CDC42BPB: variants seen among roughly 807,000 people sequenced by gnomAD.
CDC42BPB encodes CDC42 binding protein kinase beta, also known as serine/threonine-protein kinase MRCK beta.
A neutral mutation model predicts 214.9 loss-of-function variants in CDC42BPB; 37 were observed. The observed-to-expected ratio is 0.17, with a 90% CI of 0.13 to 0.23. The LOEUF (loss-of-function observed/expected upper bound fraction) is 0.23, where lower values mean the gene tolerates loss of function less well. CDC42BPB is among the 10% of genes least tolerant of loss of function. The pLI is 1.00. For synonymous variants in CDC42BPB, 931 were observed against 884.0 expected, an observed-to-expected ratio of 1.05 and a Z score of -0.94; for missense variants, 1,694 against 2,227.0, an observed-to-expected ratio of 0.76 and a Z score of 4.82.
chr14:102,963,619 C>G (rs1349973156), intron 19 of CDC42BPB, among the ~76,000 whole-genome samples: 1 of 152,228 alleles, frequency 6.6e-6, no homozygotes, highest in East Asian at 1.9e-4. Context: ...ACGGGGAACA[C>G]CTGGCCGGGA....
chr14:103,026,116 G>A (rs560441073), intron 1 of CDC42BPB, among the ~76,000 whole-genome samples: 2 of 151,958 alleles, frequency 1.3e-5, no homozygotes, highest in East Asian at 1.9e-4. Context: ...CTTAAAACAC[G>A]GCTGGGCGTG....
chr14:103,021,421 G>A (rs559414482), intron 1 of CDC42BPB, among the ~76,000 whole-genome samples: 2 of 151,844 alleles, frequency 1.3e-5, no homozygotes, highest in African/African-American at 4.8e-5. Context: ...AGCTGAGATC[G>A]CGCCACTGCA....
chr14:102,943,598 A>G lies in CDC42BPB; in HGVS notation c.4408+293T>C, dbSNP rs1230471042. Reference sequence around the variant, plus strand: ...GCCACGCCCCGTTCTCGGTTCGCCGAGCCCTTCTGCCCAGGGGCCTATGCC... The same window carrying G: ...GCCACGCCCCGTTCTCGGTTCGCCGGGCCCTTCTGCCCAGGGGCCTATGCC... On this transcript the variant is annotated intron_variant, in intron 30 of 36. Transcript: ENST00000361246. The surrounding 1 kb of genome is among the most constrained non-coding windows in gnomAD (Gnocchi z 4.6). 6.6e-6 allele frequency among the ~76,000 whole-genome samples: 1 copy of G among 150,568 alleles called. No individual in the cohort carries two copies. Among genetic ancestry groups the G allele is most frequent in the South Asian group, 2.1e-4 (1 of 4,676 alleles).
At chr14:102,989,969 G>A (rs1270550218) in intron 5 of CDC42BPB, among the ~76,000 whole-genome samples, 1 of 152,152 alleles carries the variant, frequency 6.6e-6, no homozygotes, top group African/African-American at 2.4e-5. Context: ...CTTAACAAAG[G>A]ATAAACAAGA....
At chr14:102,989,839 A>G (rs1055412827) in intron 5 of CDC42BPB, among the ~76,000 whole-genome samples, 2 of 152,056 alleles carry the variant, frequency 1.3e-5, no homozygotes, top group Non-Finnish European at 2.9e-5. Flanking sequence ...AGCCTGGGCA[A>G]CAAAAGCGAA....
chr14:103,038,658 C>G (rs1416364036), intron 1 of CDC42BPB, among the ~76,000 whole-genome samples: 1 of 140,298 alleles, frequency 7.1e-6, no homozygotes, highest in African/African-American at 2.7e-5. Flanking sequence ...TCCCGAGTAG[C>G]TGAGACTACA....
chr14:102,975,497 T>A (rs1893696694), intron 11 of CDC42BPB, among the ~76,000 whole-genome samples, 187 bp downstream of exon 11: 1 of 152,188 alleles, frequency 6.6e-6, no homozygotes, highest in South Asian at 2.1e-4. Flanking sequence ...CACTCCAGCC[T>A]GGGTGACAAA....
intron 1 of CDC42BPB, among the ~76,000 whole-genome samples, chr14:103,049,812 T>G (rs1414114316): frequency 6.6e-6 from 1 of 152,146 alleles, no homozygotes; most frequent in Non-Finnish European, 1.5e-5. Flanking sequence ...CTCCCGGGTT[T>G]AAGTGATTCT....
At chr14:102,954,754 A>G (rs536463471) in intron 21 of CDC42BPB, 66 bp from the exon 22 acceptor site, 3 of 1,547,810 alleles carry the variant, frequency 1.9e-6, no homozygotes, top group African/African-American at 1.4e-5. Context: ...GACTCTACTT[A>G]CAAGTTCTTT....
intron 5 of CDC42BPB, among the ~76,000 whole-genome samples, chr14:102,991,879 G>T (rs948548898): frequency 1.3e-5 from 2 of 152,208 alleles, no homozygotes; most frequent in Non-Finnish European, 2.9e-5. Context: ...AACAGGCAAA[G>T]CTGATTTATG....
intron 16 of CDC42BPB, among the ~76,000 whole-genome samples, chr14:102,967,698 GGTAGA>G (rs36027797): frequency 0.066 from 10,026 of 152,288 alleles, 390 homozygotes; most frequent in Middle Eastern, 0.13. Context: ...ACACAGAAGA[GGTAGA>G]GTAAAGTACA....
Position 102,995,244 on chromosome 14 carries a change from G to A in CDC42BPB, c.596+4321C>T, listed in dbSNP as rs536677646. On this transcript the variant is annotated intron_variant, in intron 5 of 36. Coordinates refer to ENST00000361246, the MANE Select transcript of CDC42BPB (RefSeq NM_006035.4). ...GGCTGGAGTGCAATGGCGCGATCTC[G>A]GCTCACTGCAACCTCCACTTCACGG... is the stretch of plus-strand genomic sequence containing the variant. Among the ~76,000 whole-genome samples the A allele has an allele frequency of 6.0e-5, 9 of 151,142 alleles. No individual in the cohort carries two copies. The East Asian group carries it at 9.8e-4, about 16-fold the overall frequency.
Position 102,967,188 on chromosome 14 carries a change from C to T in CDC42BPB, c.2347-18G>A. 2 of 1,601,120 alleles carry T rather than the reference C, an allele frequency of 1.2e-6. No individual in the cohort carries two copies. Among genetic ancestry groups the T allele is most frequent in the East Asian group, 2.2e-5 (1 of 44,494 alleles). On this transcript the variant is annotated intron_variant, in intron 16 of 36. Transcript: ENST00000361246. ...GAACAGAGCTGAAATGAAACAATTT[C>T]ACCACAGAACTTGTTAATCGGGCAT...
In CDC42BPB at chr14:103,050,615, G is replaced by GGT. The variant is rs1888545314; in HGVS notation, c.175+6382_175+6383dup. ...TCCACAAAAAATAAAAAATTAGCCA[G>GGT]GTGTAGCGGTGTATGCCTATTGTCC... On this transcript the variant is annotated intron_variant, in intron 1 of 36. Transcript: ENST00000361246. Among the ~76,000 whole-genome samples, 6 of 143,056 alleles carry GGT rather than the reference G, an allele frequency of 4.2e-5. No homozygotes were observed. The South Asian group carries it at 1.4e-3, about 33-fold the overall frequency. 93.9% of individuals were successfully genotyped at this position (143,056 alleles called of 152,430 possible). A position where few individuals can be genotyped will look rare whatever the true frequency, so the allele number is the denominator to read the frequency against.
At chr14:103,053,487 C>T (rs763885613) in intron 1 of CDC42BPB, among the ~76,000 whole-genome samples, 9 of 152,048 alleles carry the variant, frequency 5.9e-5, no homozygotes, top group Non-Finnish European at 8.8e-5. Flanking sequence ...CTCGGCCAGG[C>T]ACGGTGGCTC....
chr14:103,039,826 T>G (rs1286799548), intron 1 of CDC42BPB, among the ~76,000 whole-genome samples: 1 of 152,184 alleles, frequency 6.6e-6, no homozygotes, highest in African/African-American at 2.4e-5. Flanking sequence ...GAAGCAGAAC[T>G]ATCTGTACTC....
intron 1 of CDC42BPB, among the ~76,000 whole-genome samples, chr14:103,017,711 T>C (rs975460582): frequency 3.9e-5 from 6 of 151,920 alleles, no homozygotes; most frequent in South Asian, 2.1e-4. Flanking sequence ...GTCGAGGTCA[T>C]GAAAGTCAAG....
chr14:102,961,803 G>A (rs1566860416), intron 20 of CDC42BPB, among the ~76,000 whole-genome samples: 2 of 152,104 alleles, frequency 1.3e-5, no homozygotes, highest in Non-Finnish European at 1.5e-5. Context: ...TCAGCCTCCC[G>A]AAGTGTTGGG....
At chr14:103,041,464 C>G (rs978751731) in intron 1 of CDC42BPB, 4 of 1,167,950 alleles carry the variant, frequency 3.4e-6, no homozygotes, top group Non-Finnish European at 3.7e-6. Flanking sequence ...GGGCTCTAGG[C>G]AGCCATGGCG....
Sources: allele counts gnomAD v4.1 joint callset (sites outside exome capture counted in the v4.1 genomes callset), GRCh38; gene constraint gnomAD v4.1.1; non-coding constraint Gnocchi (gnomAD v3.1); transcripts MANE v1.5; gene names NCBI Gene and HGNC (gene_info 2026-07-23, HGNC 2026-07-21).